The following SHPRH variants were observed in gnomAD, a reference collection of about 807,000 sequenced individuals.
SHPRH encodes the protein SNF2 histone linker PHD RING helicase.
In SHPRH, 106 loss-of-function variants were observed where a neutral mutation model predicts 202.5. That is an observed-to-expected ratio of 0.52 (90% confidence interval 0.45 to 0.62). The LOEUF (loss-of-function observed/expected upper bound fraction) is 0.62, where lower values mean the gene tolerates loss of function less well. Ranked by LOEUF, SHPRH falls within the 20% of genes least tolerant of loss-of-function variation. The pLI, the probability that SHPRH is intolerant of heterozygous loss-of-function variation, is 0.00. For synonymous variants in SHPRH, 729 were observed against 686.0 expected, an observed-to-expected ratio of 1.06 and a Z score of -0.98; for missense variants, 1,710 against 2,020.0, an observed-to-expected ratio of 0.85 and a Z score of 2.94.
In SHPRH at chr6:145,942,005, T is replaced by C. The variant is rs1226894936; in HGVS notation, c.2239-131A>G. The C allele has an allele frequency of 2.8e-6, 3 of 1,065,382 alleles. No individual in the cohort carries two copies. In the African/African-American group the frequency reaches 4.8e-5, roughly 17 times the overall value. The allele number at this position is 1,065,382 out of a possible 1,614,324, so 66.0% of individuals were successfully genotyped here. On this transcript the variant is annotated intron_variant, in intron 9 of 29. Transcript: ENST00000275233. ...CATTCATGCTATGAGACAGATCCCATACCTGTTTGGAGAAAGACATGTTTT... is the reference window on the plus strand; with the variant it reads ...CATTCATGCTATGAGACAGATCCCACACCTGTTTGGAGAAAGACATGTTTT...
chr6:145,957,354 T>C lies in SHPRH; in HGVS notation c.-32-2000A>G, dbSNP rs936295749. Among the ~76,000 whole-genome samples the C allele has an allele frequency of 1.4e-4, 22 of 152,220 alleles. No homozygotes were observed. The East Asian group carries it at 4.0e-3, about 28-fold the overall frequency. Reference sequence around the variant, plus strand: ...AACCATAGACTATGTAAGAATATGATAAACTAAGTTTCATCAAAATTAAAT... The same window carrying C: ...AACCATAGACTATGTAAGAATATGACAAACTAAGTTTCATCAAAATTAAAT... On this transcript the variant is annotated intron_variant, in intron 1 of 29. Transcript: ENST00000275233.
downstream of SHPRH, among the ~76,000 whole-genome samples, chr6:145,882,362 T>C (rs898250399): frequency 6.6e-6 from 1 of 151,970 alleles, no homozygotes; most frequent in African/African-American, 2.4e-5. Context: ...GAGTGCAGGG[T>C]AGAAAATGGT....
Position 145,923,798 on chromosome 6 carries a change from T to G in SHPRH, c.3403-13A>C. Reference sequence around the variant, plus strand: ...AATTAGAATGAATCTGTAAAAAAGGTAGCAGTTAATCAATTAATACATTTT... The same window carrying G: ...AATTAGAATGAATCTGTAAAAAAGGGAGCAGTTAATCAATTAATACATTTT... On this transcript the variant is annotated splice_polypyrimidine_tract_variant and intron_variant, in intron 17 of 29. Coordinates refer to ENST00000275233, the MANE Select transcript of SHPRH (RefSeq NM_001042683.3). 1 of 1,605,692 alleles carries G rather than the reference T, an allele frequency of 6.2e-7. No individual in the cohort carries two copies. Among genetic ancestry groups the G allele is most frequent in the Non-Finnish European group, 8.5e-7 (1 of 1,175,576 alleles).
chr6:145,931,587 C>A (rs1369999612), intron 14 of SHPRH, among the ~76,000 whole-genome samples: 1 of 152,142 alleles, frequency 6.6e-6, no homozygotes, highest in Non-Finnish European at 1.5e-5. Flanking sequence ...CTGCCTGCCT[C>A]GGCTTCCCAA....
At chr6:145,872,494 T>C (rs1317555661) in intron 2 of SHPRH, among the ~76,000 whole-genome samples, 1 of 152,144 alleles carries the variant, frequency 6.6e-6, no homozygotes, top group Non-Finnish European at 1.5e-5. Flanking sequence ...TGAGATACCA[T>C]CTTACATCAT....
downstream of SHPRH, chr6:145,883,131 T>A (rs1439144164): frequency 6.6e-6 from 1 of 152,164 alleles, no homozygotes; most frequent in Non-Finnish European, 1.5e-5. Flanking sequence ...GTTATTAATT[T>A]TAGTAATAGT....
At chr6:145,887,936 G>T in intron 29 of SHPRH, 84 bp downstream of exon 29, 1 of 1,067,290 alleles carries the variant, frequency 9.4e-7, no homozygotes, top group Admixed American at 2.1e-5. Flanking sequence ...ATTTTTCGTT[G>T]TCATCTAAGT....
At chr6:145,956,132 C>G (rs1217131513) in intron 1 of SHPRH, among the ~76,000 whole-genome samples, 3 of 151,884 alleles carry the variant, frequency 2.0e-5, no homozygotes, top group African/African-American at 7.3e-5. Context: ...TAGAGATAAA[C>G]AAAGACTGAA....
intron 25 of SHPRH, chr6:145,903,386 T>C (rs530950135): frequency 1.2e-3 from 179 of 151,394 alleles, no homozygotes; most frequent in African/African-American, 3.9e-3. Flanking sequence ...ATTCTACACA[T>C]AGTATGGCTA....
In SHPRH at chr6:145,940,719, T is replaced by C; in HGVS notation, c.2569+4A>G. The C allele has an allele frequency of 6.2e-7, 1 of 1,613,278 alleles. No individual in the cohort carries two copies. The highest frequency in any genetic ancestry group is 8.5e-7 in the Non-Finnish European group (1 of 1,179,466). ...ATGCAATATGTGAGGAAACCATACA[T>C]TACCCTCTAATCCTCTCTGTACTGG... On this transcript the variant is annotated splice_donor_region_variant and intron_variant, in intron 11 of 29. Coordinates refer to ENST00000275233, the MANE Select transcript of SHPRH (RefSeq NM_001042683.3).
chr6:145,960,970 G>T (rs933334677), intron 1 of SHPRH, among the ~76,000 whole-genome samples: 2 of 151,842 alleles, frequency 1.3e-5, no homozygotes, highest in Non-Finnish European at 2.9e-5. Flanking sequence ...TAGATCCTGC[G>T]CATATGCAGT....
chr6:145,864,943 T>TCACACACACA (rs71552940), intron 2 of SHPRH, among the ~76,000 whole-genome samples: 63 of 102,822 alleles, frequency 6.1e-4, no homozygotes, highest in African/African-American at 1.7e-3. Context: ...ACACACACAC[T>TCACACACACA]CACACACACA....
downstream of SHPRH, among the ~76,000 whole-genome samples, chr6:145,860,058 T>C (rs1210068773): frequency 6.6e-6 from 1 of 152,060 alleles, no homozygotes; most frequent in Non-Finnish European, 1.5e-5. Context: ...ATTAAAAGTG[T>C]ATTTCTTACA....
chr6:145,906,546 T>A (rs767982082), intron 25 of SHPRH: 11 of 152,144 alleles, frequency 7.2e-5, no homozygotes, highest in Non-Finnish European at 1.3e-4. Flanking sequence ...TCAAGAAACT[T>A]GTATTACAAA....
chr6:145,936,950 T>G (rs1786142891), intron 11 of SHPRH, among the ~76,000 whole-genome samples: 1 of 151,190 alleles, frequency 6.6e-6, no homozygotes, highest in South Asian at 2.1e-4. Context: ...AATCTCAAAT[T>G]CATAATCTTT....
At chr6:145,953,104 AATAAT>A (rs1788148947) in intron 2 of SHPRH, among the ~76,000 whole-genome samples, 1 of 152,046 alleles carries the variant, frequency 6.6e-6, no homozygotes, top group South Asian at 2.1e-4. Context: ...GTCCATCTTA[AATAAT>A]ATAACTATAA....
chr6:145,958,073 T>C (rs577923869), intron 1 of SHPRH, among the ~76,000 whole-genome samples: 1 of 152,300 alleles, frequency 6.6e-6, no homozygotes, highest in South Asian at 2.1e-4. Context: ...AAAGACTATA[T>C]ACTATATGAT....
chr6:145,900,437 G>A (rs1228283898), intron 25 of SHPRH, among the ~76,000 whole-genome samples: 2 of 152,056 alleles, frequency 1.3e-5, no homozygotes, highest in Non-Finnish European at 2.9e-5. Context: ...ACTTATATGG[G>A]ATATCTAAAA....
In SHPRH at chr6:145,948,326, C is replaced by G; in HGVS notation, c.1007G>C (p.Arg336Pro). 6.2e-7 allele frequency: 1 copy of G among 1,603,950 alleles called. No homozygotes were observed. Among genetic ancestry groups the G allele is most frequent in the Non-Finnish European group, 8.5e-7 (1 of 1,174,716 alleles). The change falls in exon 5 of 30, where the codon CGA becomes CCA. Residue 336 changes from arginine to proline, a missense_variant. This residue lies in a region of SHPRH where 459 missense variants were observed against 426.5 expected (regional missense o/e 1.08). Transcript: ENST00000275233. ...ATESALHFLWREIVTSEGLKL... is the reference protein window; with the variant it reads ...ATESALHFLWPEIVTSEGLKL... ...CAGACCCTCAGATGTAACAATCTCTCGCCATAAGAAGTGCAGGGCACTTTC... is the reference window on the plus strand; with the variant it reads ...CAGACCCTCAGATGTAACAATCTCTGGCCATAAGAAGTGCAGGGCACTTTC...
Sources: allele counts gnomAD v4.1 joint callset (sites outside exome capture counted in the v4.1 genomes callset), GRCh38; gene constraint gnomAD v4.1.1; regional missense constraint gnomAD v4.1.1; transcripts MANE v1.5; gene names NCBI Gene and HGNC (gene_info 2026-07-23, HGNC 2026-07-21).